XPO5: variants seen among roughly 807,000 people sequenced by gnomAD.
The protein encoded by XPO5 is exportin 5.
A neutral mutation model predicts 160.6 loss-of-function variants in XPO5; 46 were observed. The ratio of observed to expected loss-of-function variants is 0.29; its 90% CI spans 0.23 to 0.37. XPO5 has a LOEUF of 0.37. XPO5 is among the 10% of genes least tolerant of loss of function. The pLI is 1.00. For synonymous variants in XPO5, 537 were observed against 519.3 expected, an observed-to-expected ratio of 1.03 and a Z score of -0.46; for missense variants, 1,090 against 1,463.9, an observed-to-expected ratio of 0.74 and a Z score of 4.17.
chr6:43,529,008 T>G (rs1257714541), intron 23 of XPO5, 83 bp from the exon 24 acceptor site: 1 of 1,320,598 alleles, frequency 7.6e-7, no homozygotes, highest in African/African-American at 1.5e-5. Flanking sequence ...CTGGGCAGAA[T>G]CAATCCCTAA....
At chr6:43,567,132 G>C in intron 7 of XPO5, 37 bp downstream of exon 7, 1 of 1,577,626 alleles carries the variant, frequency 6.3e-7, no homozygotes, top group South Asian at 1.2e-5. Flanking sequence ...GCCTACTTCA[G>C]AGACTGAGGA....
At chr6:43,544,523 T>C (rs932288904) in intron 20 of XPO5, among the ~76,000 whole-genome samples, 2 of 152,234 alleles carry the variant, frequency 1.3e-5, no homozygotes, top group Non-Finnish European at 2.9e-5. Context: ...GTTGGCCACA[T>C]AGATTCTGGC....
intron 1 of XPO5, 31 bp downstream of exon 1, chr6:43,575,729 G>A: frequency 6.3e-7 from 1 of 1,585,648 alleles, no homozygotes. Context: ...AGGGTGTCGG[G>A]ACCGGCCCAG....
intron 3 of XPO5, 52 bp downstream of exon 3, chr6:43,572,454 C>T (rs547852375): frequency 1.6e-5 from 25 of 1,575,040 alleles, no homozygotes; most frequent in Middle Eastern, 1.7e-4. Flanking sequence ...GAAGAAGTCA[C>T]GCTTTGCCTA....
Position 43,570,879 on chromosome 6 carries a change from A to G in XPO5, c.416T>C (p.Leu139Ser), listed in dbSNP as rs1383940264. Residue 139 changes from leucine (L) to serine (S), a missense_variant, in exon 4 of 32, where the codon TTG becomes TCG. Around this residue, in one of 3 missense-constraint regions of XPO5, gnomAD observed 170 missense variants for 227.0 expected, o/e 0.75. Coordinates refer to ENST00000265351, the MANE Select transcript of XPO5 (RefSeq NM_020750.3). ...TACCCCTTGTTTGGAAAGAGTGTCC[A>G]ATTCTATTAGCATGTCAGGCCAATG... ...PQHWPDMLIE[L>S]DTLSKQGETQ... 6.2e-7 allele frequency: 1 copy of G among 1,612,330 alleles called. No homozygotes were observed. Among genetic ancestry groups the G allele is most frequent in the Non-Finnish European group, 8.5e-7 (1 of 1,179,482 alleles).
intron 10 of XPO5, 25 bp from the exon 11 acceptor site, chr6:43,560,328 G>A (rs752785858): frequency 2.0e-5 from 32 of 1,573,576 alleles, no homozygotes; most frequent in South Asian, 1.4e-4. Context: ...AAAAGAAAAC[G>A]TCAAAGGATT....
intron 26 of XPO5, 167 bp downstream of exon 26, chr6:43,527,467 T>C: frequency 1.6e-6 from 1 of 623,198 alleles, no homozygotes; most frequent in Non-Finnish European, 2.8e-6. Flanking sequence ...AGAGACAGGG[T>C]TTCACCATGT....
intron 30 of XPO5, 60 bp from the exon 31 acceptor site, chr6:43,524,695 T>A (rs994025160): frequency 1.3e-6 from 2 of 1,593,472 alleles, no homozygotes; most frequent in African/African-American, 2.7e-5. Context: ...CCCTCCCCAT[T>A]TCCTGCCACA....
At chr6:43,542,396 T>C (rs1026957374) in intron 20 of XPO5, among the ~76,000 whole-genome samples, 2 of 152,070 alleles carry the variant, frequency 1.3e-5, no homozygotes, top group East Asian at 1.9e-4. Context: ...ACTAAAAAAA[T>C]AGTAATTTAT....
chr6:43,552,089 A>G (rs1384935676), intron 14 of XPO5, among the ~76,000 whole-genome samples: 2 of 152,120 alleles, frequency 1.3e-5, no homozygotes, highest in Admixed American at 6.5e-5. Context: ...CTTTATTTAT[A>G]TATCACTCTT....
rs1793293278 is a variant in XPO5, at chr6:43,523,023, C to T, written c.*845G>A. ...AGAAGACCAGCGGCTTTGCTAGCTG[C>T]TCATCACAGATGTAGCCTAGTTGGT... is the stretch of plus-strand genomic sequence containing the variant. On this transcript the variant is annotated 3_prime_UTR_variant, in exon 32 of 32. Transcript: ENST00000265351. 6.1e-6 allele frequency: 1 copy of T among 164,030 alleles called. No individual in the cohort carries two copies. The highest frequency in any genetic ancestry group is 1.3e-5 in the Non-Finnish European group (1 of 74,458). The allele number at this position is 164,030 out of a possible 1,614,324, so 10.2% of individuals were successfully genotyped here.
rs1199763285 is a variant in XPO5, at chr6:43,570,939, A to G, written c.356T>C (p.Ile119Thr). The change falls in exon 4 of 32, where the codon ATT becomes ACT. Residue 119 changes from isoleucine to threonine, a missense_variant. Transcript: ENST00000265351. Reference protein sequence around the residue: ...ENHIKDALSRIVVEMIKREWP... With the variant: ...ENHIKDALSRTVVEMIKREWP... ...CTCTCGCTTGATCATTTCCACTACA[A>G]TTCGAGACAGAGCATCTTTAATATG... The G allele has an allele frequency of 3.7e-6, 6 of 1,613,734 alleles. No individual in the cohort carries two copies. Among genetic ancestry groups the G allele is most frequent in the African/African-American group, 2.7e-5 (2 of 74,928 alleles).
At chr6:43,574,313 T>A (rs1300461867) in intron 1 of XPO5, among the ~76,000 whole-genome samples, 1 of 151,810 alleles carries the variant, frequency 6.6e-6, no homozygotes, top group Non-Finnish European at 1.5e-5. Context: ...AAAAAGAAAC[T>A]CCAACCTAAG....
At chr6:43,524,028 A>G (rs1217991134) in intron 31 of XPO5, 23 bp from the exon 32 acceptor site, 5 of 1,607,698 alleles carry the variant, frequency 3.1e-6, no homozygotes. Context: ...AATGAGAAAG[A>G]ATTAATGCTG....
In XPO5 at chr6:43,523,276, G is replaced by A. The variant is rs1246222019; in HGVS notation, c.*592C>T. On this transcript the variant is annotated 3_prime_UTR_variant, in exon 32 of 32. Coordinates refer to ENST00000265351, the MANE Select transcript of XPO5 (RefSeq NM_020750.3). ...CAAGTTTAGCAGTAGCCTGTACCATGGATCCCATCAGGTGACCAGATTCTT... is the reference window on the plus strand; with the variant it reads ...CAAGTTTAGCAGTAGCCTGTACCATAGATCCCATCAGGTGACCAGATTCTT... 1 of 225,432 alleles carries A rather than the reference G, an allele frequency of 4.4e-6. No homozygotes were observed. The highest frequency in any genetic ancestry group is 2.3e-5 in the African/African-American group (1 of 43,858). 14.0% of individuals were successfully genotyped at this position (225,432 alleles called of 1,614,324 possible).
At chr6:43,555,703 A>C in intron 13 of XPO5, 133 bp downstream of exon 13, 1 of 1,133,352 alleles carries the variant, frequency 8.8e-7, no homozygotes, top group South Asian at 2.5e-5. Flanking sequence ...CTCCCTCTCC[A>C]GGATGAGCAA....
At chr6:43,564,924 CTTT>C (rs577868911) in intron 8 of XPO5, among the ~76,000 whole-genome samples, 3 of 136,382 alleles carry the variant, frequency 2.2e-5, no homozygotes, top group African/African-American at 2.8e-5. Context: ...CATTTTCTCT[CTTT>C]TTTTTTTTTT....
chr6:43,548,972 A>T (rs534196760), intron 17 of XPO5, among the ~76,000 whole-genome samples: 23 of 152,332 alleles, frequency 1.5e-4, no homozygotes, highest in Middle Eastern at 3.4e-3. Flanking sequence ...TCTATATGGC[A>T]GAGAACTATT....
In XPO5 at chr6:43,555,763, A is replaced by T. The variant is rs534610092; in HGVS notation, c.1441+73T>A. 1.7e-4 allele frequency: 268 copies of T among 1,582,880 alleles called. No homozygotes were observed. The African/African-American group carries it at 3.4e-3, about 20-fold the overall frequency. On this transcript the variant is annotated intron_variant, in intron 13 of 31. Coordinates refer to ENST00000265351, the MANE Select transcript of XPO5 (RefSeq NM_020750.3). ...TATCGTTCTGATGTGTGTATAGCTC[A>T]GGCTCATTTCCTATATATAGTTTTG...
Sources: gnomAD v4.1 joint callset for allele counts (sites outside exome capture counted in the v4.1 genomes callset) on GRCh38, gnomAD v4.1.1 for gene constraint, gnomAD v4.1.1 regional missense constraint, MANE v1.5 for transcripts, NCBI Gene and HGNC (gene_info 2026-07-23, HGNC 2026-07-21) for gene names.